ABTB3: variants seen among roughly 807,000 people sequenced by gnomAD.
The protein encoded by ABTB3 is ankyrin repeat and BTB domain containing 3.
chr12:107,495,113 C>T, the ABTB3 span, among the ~76,000 whole-genome samples: 1 of 152,180 alleles, frequency 6.6e-6, no homozygotes, highest in African/African-American at 2.4e-5. Context: ...GACTGAGGCT[C>T]ATCCACCCCA....
the ABTB3 span, among the ~76,000 whole-genome samples, chr12:107,636,711 A>G: frequency 6.6e-6 from 1 of 152,224 alleles, no homozygotes; most frequent in Admixed American, 6.5e-5. Flanking sequence ...CTTCTCCCTT[A>G]TAGAAAACAG....
At chr12:107,580,867 C>T in the ABTB3 span, 2 of 1,549,244 alleles carry the variant, frequency 1.3e-6, no homozygotes, top group South Asian at 1.2e-5. Context: ...AGATCAGTTA[C>T]CTCCTAGCCT....
the ABTB3 span, among the ~76,000 whole-genome samples, chr12:107,381,544 A>T: frequency 1.3e-5 from 2 of 152,206 alleles, no homozygotes; most frequent in African/African-American, 4.8e-5. Context: ...GATACAAGAG[A>T]CTAGAGAGGG....
At chr12:107,498,712 C>T in the ABTB3 span, among the ~76,000 whole-genome samples, 1 of 151,424 alleles carries the variant, frequency 6.6e-6, no homozygotes, top group African/African-American at 2.4e-5. Context: ...TAACATTGGG[C>T]CCACCTAGAA....
At chr12:107,646,211 C>G in the ABTB3 span, among the ~76,000 whole-genome samples, 5 of 152,208 alleles carry the variant, frequency 3.3e-5, no homozygotes, top group African/African-American at 4.8e-5. Context: ...ACAAACAGGC[C>G]CATTAGCCTA....
the ABTB3 span, among the ~76,000 whole-genome samples, chr12:107,477,071 G>GCACAGA: frequency 6.6e-6 from 1 of 152,094 alleles, no homozygotes; most frequent in Non-Finnish European, 1.5e-5. Context: ...TGGCTCCTCA[G>GCACAGA]GGACATTAAA....
At chr12:107,620,183 T>G in the ABTB3 span, 1 of 1,612,544 alleles carries the variant, frequency 6.2e-7, no homozygotes, top group South Asian at 1.1e-5. Flanking sequence ...GGTTTGAGGT[T>G]GTTGTGGTCA....
the ABTB3 span, chr12:107,651,543 T>A: frequency 5.3e-6 from 3 of 569,020 alleles, no homozygotes; most frequent in Non-Finnish European, 9.8e-6. Context: ...TTGTGCATCA[T>A]TTCCCGTCCC....
At chr12:107,437,702 G>A in the ABTB3 span, among the ~76,000 whole-genome samples, 2 of 152,028 alleles carry the variant, frequency 1.3e-5, no homozygotes, top group South Asian at 2.1e-4. Context: ...ACACCCGGCC[G>A]GAGCCATCAT....
At chr12:107,640,347 T>A in the ABTB3 span, 1 of 1,598,396 alleles carries the variant, frequency 6.3e-7, no homozygotes, top group African/African-American at 1.3e-5. Context: ...ATGTCTGATG[T>A]TACATTTCTG....
chr12:107,637,784 TTTTGTGTGTGTGTGTGTGTGTG>T, the ABTB3 span, among the ~76,000 whole-genome samples: 2 of 94,728 alleles, frequency 2.1e-5, no homozygotes, highest in African/African-American at 9.6e-5. Context: ...AGAGCACTGA[TTTTGTGTGTGTGTGTGTGTGTG>T]TGTGTGTGTG....
chr12:107,459,970 G>A, the ABTB3 span, among the ~76,000 whole-genome samples: 7 of 152,202 alleles, frequency 4.6e-5, no homozygotes, highest in East Asian at 3.9e-4. Flanking sequence ...TTGGGGGGCC[G>A]TAAGAAAAGG....
At chr12:107,564,794 TA>T in the ABTB3 span, among the ~76,000 whole-genome samples, 1 of 152,342 alleles carries the variant, frequency 6.6e-6, no homozygotes, top group African/African-American at 2.4e-5. Context: ...TCAAGCATTA[TA>T]ATAATGTCTA....
the ABTB3 span, among the ~76,000 whole-genome samples, chr12:107,539,878 A>T: frequency 1.3e-5 from 2 of 152,174 alleles, no homozygotes; most frequent in Non-Finnish European, 2.9e-5. Flanking sequence ...CTTAACTTTC[A>T]GCAGTAGTTC....
At chr12:107,452,202 ATTT>A in the ABTB3 span, among the ~76,000 whole-genome samples, 6 of 110,186 alleles carry the variant, frequency 5.4e-5, no homozygotes, top group Non-Finnish European at 5.5e-5. Context: ...GCCCATATGA[ATTT>A]TTTTTTTTTT....
At chr12:107,638,363 C>G in the ABTB3 span, among the ~76,000 whole-genome samples, 4 of 152,080 alleles carry the variant, frequency 2.6e-5, no homozygotes, top group Non-Finnish European at 5.9e-5. Context: ...AGACCAGGGC[C>G]CCAAGGTGCA....
At chr12:107,482,710 C>A in the ABTB3 span, among the ~76,000 whole-genome samples, 3 of 152,114 alleles carry the variant, frequency 2.0e-5, no homozygotes, top group African/African-American at 7.2e-5. Context: ...AGCCAAGGAG[C>A]AGGTATAGGA....
the ABTB3 span, among the ~76,000 whole-genome samples, chr12:107,525,109 T>G: frequency 1.2e-4 from 19 of 152,012 alleles, no homozygotes; most frequent in Non-Finnish European, 2.6e-4. Context: ...GCGGATTGCT[T>G]GAGCCCAGGA....
the ABTB3 span, among the ~76,000 whole-genome samples, chr12:107,654,130 G>T: frequency 6.6e-6 from 1 of 152,128 alleles, no homozygotes; most frequent in African/African-American, 2.4e-5. Context: ...TCTTCTTTAA[G>T]ACTGAATAAT....
Sources: allele counts gnomAD v4.1 joint callset (sites outside exome capture counted in the v4.1 genomes callset), GRCh38; gene constraint gnomAD v4.1.1; transcripts MANE v1.5; gene names NCBI Gene and HGNC (gene_info 2026-07-23, HGNC 2026-07-21).